VTCN1: variants seen among roughly 807,000 people sequenced by gnomAD.
The protein encoded by VTCN1 is V-set domain-containing T-cell activation inhibitor 1.
VTCN1 carries 26 observed loss-of-function variants against 26.5 expected under a neutral mutation model. The ratio of observed to expected loss-of-function variants is 0.98; its 90% confidence interval spans 0.72 to 1.36. VTCN1 has a LOEUF of 1.36. Among genes scored for constraint, VTCN1 ranks in the 40% most tolerant of loss-of-function variants. VTCN1 has a pLI of 0.00. For missense variants in VTCN1, 298 were observed against 337.7 expected, an observed-to-expected ratio of 0.88 and a Z score of 0.92; for synonymous variants, 116 against 130.7, an observed-to-expected ratio of 0.89 and a Z score of 0.77.
rs1478999268 is a variant in VTCN1, at chr1:117,153,081, A to C, written c.724+10T>G. 1 of 1,600,686 alleles carries C rather than the reference A, an allele frequency of 6.2e-7. No homozygotes were observed. The highest frequency in any genetic ancestry group is 8.5e-7 in the Non-Finnish European group (1 of 1,170,938). ...CCAGTAAATCCATACAAAAGCATGC[A>C]GGAACCCACCTGTCACTTTGATATC... On this transcript the variant is annotated intron_variant, in intron 4 of 5. Transcript: ENST00000369458.
chr1:117,206,670 C>G (rs61808504), intron 1 of VTCN1, among the ~76,000 whole-genome samples: 2 of 152,060 alleles, frequency 1.3e-5, no homozygotes, highest in Non-Finnish European at 2.9e-5. Flanking sequence ...ATATTCATAT[C>G]TGTTGATGCT....
At chr1:117,172,982 G>A (rs928407187) in intron 1 of VTCN1, among the ~76,000 whole-genome samples, 6 of 152,164 alleles carry the variant, frequency 3.9e-5, no homozygotes, top group Non-Finnish European at 7.4e-5. Flanking sequence ...TCCATGCTGT[G>A]GAAGCTTTGT....
intron 1 of VTCN1, among the ~76,000 whole-genome samples, chr1:117,184,629 T>C (rs1647845659): frequency 1.3e-5 from 2 of 152,140 alleles, no homozygotes; most frequent in East Asian, 1.9e-4. Flanking sequence ...CAGGGAAGAA[T>C]ATTTAAAGTC....
intron 2 of VTCN1, 123 bp from the exon 3 acceptor site, chr1:117,157,044 G>T: frequency 6.4e-7 from 1 of 1,567,680 alleles, no homozygotes; most frequent in Non-Finnish European, 8.7e-7. Context: ...AAGAACATGA[G>T]AGGCAATAAG....
chr1:117,168,433 T>C lies in VTCN1; in HGVS notation c.97+1674A>G, dbSNP rs78276994. Among the ~76,000 whole-genome samples, 883 of 152,244 alleles carry C rather than the reference T, an allele frequency of 5.8e-3. 8 individuals are homozygous for C. Among genetic ancestry groups the C allele is most frequent in the African/African-American group, 0.02 (827 of 41,542 alleles). ...ACTTGAGATGGTTTGCAGATATAAATGTGAAAGACAAAACAATAAAGCTTC... is the reference window on the plus strand; with the variant it reads ...ACTTGAGATGGTTTGCAGATATAAACGTGAAAGACAAAACAATAAAGCTTC... On this transcript the variant is annotated intron_variant, in intron 2 of 5. Transcript: ENST00000369458.
At chr1:117,182,508 C>T (rs1198641578) in intron 1 of VTCN1, among the ~76,000 whole-genome samples, 2 of 152,142 alleles carry the variant, frequency 1.3e-5, no homozygotes, top group African/African-American at 4.8e-5. Context: ...GCAGCCCCTG[C>T]GGCTGCTCTG....
At chr1:117,157,343 C>T (rs142315681) in intron 2 of VTCN1, among the ~76,000 whole-genome samples, 5 of 152,118 alleles carry the variant, frequency 3.3e-5, no homozygotes, top group African/African-American at 1.2e-4. Context: ...TAAAGACACA[C>T]CTGAGACTGG....
intron 1 of VTCN1, among the ~76,000 whole-genome samples, chr1:117,176,826 T>C (rs1248735418): frequency 6.6e-6 from 1 of 152,174 alleles, no homozygotes; most frequent in Non-Finnish European, 1.5e-5. Context: ...AGGCTGAGTG[T>C]GGTGGCTCAT....
At chr1:117,203,527 G>T in intron 1 of VTCN1, 1 of 817,360 alleles carries the variant, frequency 1.2e-6, no homozygotes, top group Non-Finnish European at 1.5e-6. Flanking sequence ...CACATCTGAA[G>T]TGATGTGATA....
Position 117,161,475 on chromosome 1 carries a change from A to G in VTCN1, c.98-4554T>C, listed in dbSNP as rs1203746434. Among the ~76,000 whole-genome samples the G allele has an allele frequency of 1.3e-5, 2 of 152,146 alleles. No individual in the cohort carries two copies. The highest frequency in any genetic ancestry group is 2.1e-4 in the South Asian group (1 of 4,818). Reference sequence around the variant, plus strand: ...TTTTTGTCTTTTTGGCCTTTATTATAGCAGCTGTCTCCCTCTACCTGGTCT... The same window carrying G: ...TTTTTGTCTTTTTGGCCTTTATTATGGCAGCTGTCTCCCTCTACCTGGTCT... On this transcript the variant is annotated intron_variant, in intron 2 of 5. Transcript: ENST00000369458. This position sits in a 1 kb window ranked among gnomAD's most constrained non-coding sequence, Gnocchi z 4.3.
rs546165651 is a variant in VTCN1 at position 117,169,723 on chromosome 1, T to A, written c.97+384A>T. Among the ~76,000 whole-genome samples, 3 of 152,162 alleles carry A rather than the reference T, an allele frequency of 2.0e-5. No individual in the cohort carries two copies. Among genetic ancestry groups the A allele is most frequent in the East Asian group, 1.9e-4 (1 of 5,166 alleles). ...GCCTGAGCAACATGGTGAAACCCCA[T>A]CTCTACTAAAAATAAAAAAATTAGC... is the stretch of plus-strand genomic sequence containing the variant. On this transcript the variant is annotated intron_variant, in intron 2 of 5. Coordinates refer to ENST00000369458, the MANE Select transcript of VTCN1 (RefSeq NM_024626.4). This position sits in a 1 kb window ranked among gnomAD's most constrained non-coding sequence, Gnocchi z 4.0.
chr1:117,188,448 C>A (rs1342053734), intron 1 of VTCN1, among the ~76,000 whole-genome samples: 2 of 152,174 alleles, frequency 1.3e-5, no homozygotes, highest in Non-Finnish European at 2.9e-5. Flanking sequence ...GAGGCAATAT[C>A]AGGCAATTGA....
At chr1:117,185,927 C>G (rs1429110867) in intron 1 of VTCN1, among the ~76,000 whole-genome samples, 1 of 152,180 alleles carries the variant, frequency 6.6e-6, no homozygotes, top group Non-Finnish European at 1.5e-5. Context: ...TGTATCAAAG[C>G]AAGCTGTACC....
intron 1 of VTCN1, among the ~76,000 whole-genome samples, chr1:117,177,134 T>G (rs1316354118): frequency 1.3e-5 from 2 of 151,622 alleles, no homozygotes; most frequent in Non-Finnish European, 2.9e-5. Flanking sequence ...AAAAAGAAGA[T>G]TAAAAGCGGG....
At chr1:117,178,915 G>A (rs1014609621) in intron 1 of VTCN1, among the ~76,000 whole-genome samples, 6 of 152,070 alleles carry the variant, frequency 3.9e-5, no homozygotes, top group South Asian at 2.1e-4. Context: ...AAGTGAGCAC[G>A]TGGGCCCTGT....
At chr1:117,196,039 C>T (rs1238281956) in intron 1 of VTCN1, among the ~76,000 whole-genome samples, 1 of 152,078 alleles carries the variant, frequency 6.6e-6, no homozygotes, top group Non-Finnish European at 1.5e-5. Context: ...ATAGTCCCAG[C>T]TACTTGGAAG....
At chr1:117,154,415 G>A (rs987752056) in intron 3 of VTCN1, among the ~76,000 whole-genome samples, 1 of 152,114 alleles carries the variant, frequency 6.6e-6, no homozygotes, top group Admixed American at 6.5e-5. Flanking sequence ...TGCATAGAAG[G>A]TATAGAGTTC....
At chr1:117,170,212 T>G (rs575789178) in intron 1 of VTCN1, 41 bp from the exon 2 acceptor site, 1 of 1,584,568 alleles carries the variant, frequency 6.3e-7, no homozygotes, top group East Asian at 2.2e-5. Context: ...AGTTCTCCAT[T>G]CCTCTTGATG....
chr1:117,170,267 G>C, intron 1 of VTCN1, 96 bp from the exon 2 acceptor site: 1 of 1,162,998 alleles, frequency 8.6e-7, no homozygotes, highest in Non-Finnish European at 1.3e-6. Flanking sequence ...GATAAGATGA[G>C]TTACATAAAG....
Sources: allele counts gnomAD v4.1 joint callset (sites outside exome capture counted in the v4.1 genomes callset), GRCh38; gene constraint gnomAD v4.1.1; non-coding constraint Gnocchi (gnomAD v3.1); transcripts MANE v1.5; gene names NCBI Gene and HGNC (gene_info 2026-07-23, HGNC 2026-07-21).